OPCML: variants seen among roughly 807,000 people sequenced by gnomAD.
OPCML encodes the protein opioid-binding protein/cell adhesion molecule.
A neutral mutation model predicts 37.8 loss-of-function variants in OPCML; 13 were observed. The observed-to-expected ratio is 0.34, with a 90% CI of 0.22 to 0.55. OPCML has a LOEUF of 0.55. Among genes scored for constraint, OPCML ranks in the 20% least tolerant of loss-of-function variants. The probability of loss-of-function intolerance (pLI) is 0.91; values close to 1 mark genes in which losing one functional copy is unlikely to be tolerated. For missense variants in OPCML, 341 were observed against 435.6 expected, an observed-to-expected ratio of 0.78 and a Z score of 1.93; for synonymous variants, 176 against 168.8, an observed-to-expected ratio of 1.04 and a Z score of -0.33.
intron 1 of OPCML, chr11:133,008,480 G>A (rs1947154704): frequency 1.1e-6 from 1 of 944,262 alleles, no homozygotes; most frequent in Non-Finnish European, 1.3e-6. Flanking sequence ...ATTCCCTTTG[G>A]GAGAGAAGAA....
chr11:132,420,391 C>T (rs1592147893), intron 7 of OPCML, 98 bp from the exon 8 acceptor site: 5 of 1,498,216 alleles, frequency 3.3e-6, no homozygotes, highest in Non-Finnish European at 4.4e-6. Context: ...TCCCACCTTC[C>T]ACCCTTCCGC....
Position 133,053,175 on chromosome 11 carries a change from C to A in OPCML, c.62-110165G>T, listed in dbSNP as rs150645142. ...GGACCCTGATCCTTAGTTCTTTCACCTCTACACTGGTGATAATGTCAGAGC... is the reference window on the plus strand; with the variant it reads ...GGACCCTGATCCTTAGTTCTTTCACATCTACACTGGTGATAATGTCAGAGC... On this transcript the variant is annotated intron_variant, in intron 1 of 7. Coordinates refer to ENST00000524381, the MANE Select transcript of OPCML (RefSeq NM_001012393.5). Among the ~76,000 whole-genome samples, 11 of 152,310 alleles carry A rather than the reference C, an allele frequency of 7.2e-5. No homozygotes were observed. The East Asian group carries it at 2.1e-3, about 29-fold the overall frequency.
chr11:132,590,810 C>G (rs1291804844), intron 3 of OPCML, among the ~76,000 whole-genome samples: 1 of 152,172 alleles, frequency 6.6e-6, no homozygotes. Flanking sequence ...TTTGTGTACT[C>G]TGCCTGCCGG....
rs1565468422 is a variant in OPCML at position 133,140,904 on chromosome 11, C to CGAAGAA, written c.62-197895_62-197894insTTCTTC. 0.03 allele frequency among the ~76,000 whole-genome samples: 127 copies of CGAAGAA among 4,220 alleles called. 13 individuals carry two copies. The East Asian group carries it at 0.4, about 13-fold the overall frequency. The allele number at this position is 4,220 out of a possible 152,430, so 2.8% of individuals were successfully genotyped here. ...ACGACGACGACGACGAAGACGACGACGACGAAGAAGAAGAAGACGACGACG... is the reference window on the plus strand; with the variant it reads ...ACGACGACGACGACGAAGACGACGACGAAGAAGACGAAGAAGAAGAAGACGACGACG... On this transcript the variant is annotated intron_variant, in intron 1 of 7. Coordinates refer to ENST00000524381, the MANE Select transcript of OPCML (RefSeq NM_001012393.5).
intron 1 of OPCML, among the ~76,000 whole-genome samples, chr11:133,342,484 G>C (rs1943894946): frequency 6.6e-6 from 1 of 152,226 alleles, no homozygotes. Context: ...GGCTTCAACA[G>C]CAGAAAGATT....
intron 2 of OPCML, among the ~76,000 whole-genome samples, chr11:132,880,326 C>T (rs1421208208): frequency 6.6e-6 from 1 of 152,210 alleles, no homozygotes; most frequent in Non-Finnish European, 1.5e-5. Flanking sequence ...ATCAGAATTG[C>T]TCCACTCTGT....
chr11:132,712,959 G>C (rs989017768), intron 2 of OPCML, among the ~76,000 whole-genome samples: 13 of 152,178 alleles, frequency 8.5e-5, no homozygotes, highest in African/African-American at 3.1e-4. Context: ...CTGTAGCAGT[G>C]GGCTGCGTTT....
chr11:132,662,352 A>G (rs1942010455), intron 2 of OPCML, among the ~76,000 whole-genome samples: 2 of 151,910 alleles, frequency 1.3e-5, no homozygotes. Flanking sequence ...AATTAAAATC[A>G]ATTGGCTTTA....
intron 1 of OPCML, among the ~76,000 whole-genome samples, chr11:133,069,651 G>A (rs1187450609): frequency 1.3e-5 from 2 of 152,184 alleles, no homozygotes; most frequent in Non-Finnish European, 1.5e-5. Flanking sequence ...GAGAGCATGT[G>A]TGTGTGCACA....
intron 3 of OPCML, among the ~76,000 whole-genome samples, chr11:132,595,968 T>C (rs2096491825): frequency 6.6e-6 from 1 of 152,220 alleles, no homozygotes; most frequent in African/African-American, 2.4e-5. Context: ...GGCTACAATT[T>C]CAATGAGTAA....
rs150133635 is a variant in OPCML at position 132,650,849 on chromosome 11, G to A, written c.379+6238C>T. Among the ~76,000 whole-genome samples the A allele has an allele frequency of 3.0e-4, 46 of 152,136 alleles. No homozygotes were observed. The East Asian group carries it at 7.9e-3, about 26-fold the overall frequency. The stretch of plus-strand genomic sequence containing the variant: ...AAATGTGATTACAATTTTAAGTAGC[G>A]GTTGAATACATTAAATTTATTTCAG... On this transcript the variant is annotated intron_variant, in intron 3 of 7. Transcript: ENST00000524381.
chr11:133,384,815 A>T (rs532736046), intron 1 of OPCML, among the ~76,000 whole-genome samples: 1 of 152,344 alleles, frequency 6.6e-6, no homozygotes, highest in East Asian at 1.9e-4. Context: ...GACCTCCTGG[A>T]TCTGTCCCAG....
At chr11:133,246,153 G>A (rs1345030578) in intron 1 of OPCML, among the ~76,000 whole-genome samples, 1 of 152,200 alleles carries the variant, frequency 6.6e-6, no homozygotes, top group Non-Finnish European at 1.5e-5. Flanking sequence ...AGCTTGGTGG[G>A]AAAGGAGCCC....
intron 2 of OPCML, among the ~76,000 whole-genome samples, chr11:132,774,337 T>C (rs1420077030): frequency 6.6e-6 from 1 of 152,234 alleles, no homozygotes; most frequent in African/African-American, 2.4e-5. Context: ...AATCATATTC[T>C]AATGGCTTAG....
chr11:132,933,221 G>T (rs1591820398), intron 2 of OPCML, among the ~76,000 whole-genome samples: 4 of 152,276 alleles, frequency 2.6e-5, no homozygotes, highest in Admixed American at 2.6e-4. Context: ...TTCATCCTGA[G>T]ATGGAATGTT....
At chr11:132,850,527 G>A (rs1941761837) in intron 2 of OPCML, among the ~76,000 whole-genome samples, 1 of 151,942 alleles carries the variant, frequency 6.6e-6, no homozygotes, top group South Asian at 2.1e-4. Context: ...GTGTGTGTGT[G>A]TGTGTGTGTG....
chr11:133,318,063 A>G (rs2136613182), intron 1 of OPCML, among the ~76,000 whole-genome samples: 1 of 152,356 alleles, frequency 6.6e-6, no homozygotes, highest in South Asian at 2.1e-4. Flanking sequence ...CTTGCCAACG[A>G]CAAAAACCCA....
intron 2 of OPCML, among the ~76,000 whole-genome samples, chr11:132,770,080 G>A (rs1453735186): frequency 6.6e-6 from 1 of 151,976 alleles, no homozygotes; most frequent in African/African-American, 2.4e-5. Flanking sequence ...ATATAGGGAG[G>A]TATTATTAGA....
intron 4 of OPCML, among the ~76,000 whole-genome samples, chr11:132,479,827 AAACT>A (rs1280820805): frequency 6.6e-6 from 1 of 152,220 alleles, no homozygotes; most frequent in African/African-American, 2.4e-5. Context: ...GTTAGAAGGA[AAACT>A]AACAAACAGA....
Sources: gnomAD v4.1 joint callset for allele counts (sites outside exome capture counted in the v4.1 genomes callset) on GRCh38, gnomAD v4.1.1 for gene constraint, MANE v1.5 for transcripts, NCBI Gene and HGNC (gene_info 2026-07-23, HGNC 2026-07-21) for gene names.